LOC400499: variants seen among roughly 807,000 people sequenced by gnomAD.
At chr16:11,485,341 C>T in the LOC400499 span, among the ~76,000 whole-genome samples, 2 of 152,098 alleles carry the variant, frequency 1.3e-5, no homozygotes, top group African/African-American at 4.8e-5. Flanking sequence ...GGAAGCCCTC[C>T]CTGAACTCCC....
At chr16:11,379,200 A>G in the LOC400499 span, among the ~76,000 whole-genome samples, 1 of 152,338 alleles carries the variant, frequency 6.6e-6, no homozygotes, top group South Asian at 2.1e-4. Context: ...GTGAGCCGTT[A>G]TCATGCCACT....
chr16:11,469,142 C>A, the LOC400499 span: 1 of 399,434 alleles, frequency 2.5e-6, no homozygotes, highest in South Asian at 1.3e-4. Context: ...GTGTCAGGTG[C>A]AGACACAGGT....
At chr16:11,460,906 A>C in the LOC400499 span, 8 of 1,467,784 alleles carry the variant, frequency 5.5e-6, no homozygotes, top group Middle Eastern at 2.1e-4. Context: ...CAGCCCTAGG[A>C]AACAGGGCAG....
At chr16:11,408,453 T>TTTA in the LOC400499 span, among the ~76,000 whole-genome samples, 1 of 63,268 alleles carries the variant, frequency 1.6e-5, no homozygotes, top group African/African-American at 5.1e-5. Flanking sequence ...AGTGCAGGAT[T>TTTA]TTTTTTTTTT....
the LOC400499 span, among the ~76,000 whole-genome samples, chr16:11,490,040 C>T: frequency 7.9e-5 from 12 of 152,236 alleles, no homozygotes; most frequent in East Asian, 1.7e-3. Flanking sequence ...CACACAGCCA[C>T]AGATCAGAGT....
chr16:11,410,253 C>A, the LOC400499 span, among the ~76,000 whole-genome samples: 12 of 152,224 alleles, frequency 7.9e-5, no homozygotes, highest in South Asian at 2.1e-3. Context: ...CAGGAGTTTG[C>A]GACCAGCCTG....
the LOC400499 span, chr16:11,523,518 G>A: frequency 2.5e-6 from 1 of 398,484 alleles, no homozygotes; most frequent in Non-Finnish European, 4.4e-6. Flanking sequence ...CCAGAAAGAG[G>A]CATAAGATAG....
chr16:11,421,408 T>G, the LOC400499 span, among the ~76,000 whole-genome samples: 1 of 151,276 alleles, frequency 6.6e-6, no homozygotes, highest in African/African-American at 2.4e-5. Context: ...TTTTTTGTGT[T>G]GTTTTTTTTT....
the LOC400499 span, chr16:11,459,746 C>A: frequency 2.4e-5 from 17 of 715,302 alleles, no homozygotes; most frequent in African/African-American, 2.4e-4. Flanking sequence ...GGTCATGGGG[C>A]TGGAGATGCA....
chr16:11,381,228 T>C, the LOC400499 span: 1 of 152,116 alleles, frequency 6.6e-6, no homozygotes, highest in Non-Finnish European at 1.5e-5. Flanking sequence ...TTTCATGCAT[T>C]TATTTCCCAT....
the LOC400499 span, among the ~76,000 whole-genome samples, chr16:11,376,721 G>A: frequency 2.6e-5 from 4 of 152,110 alleles, no homozygotes; most frequent in Admixed American, 6.5e-5. Context: ...TTCTATAAGT[G>A]AAGAAAAAAT....
chr16:11,393,162 C>CG, the LOC400499 span, among the ~76,000 whole-genome samples: 7 of 132,112 alleles, frequency 5.3e-5, no homozygotes, highest in African/African-American at 1.4e-4. Context: ...CCACCCCCCC[C>CG]CCTTTTTTTT....
chr16:11,496,553 G>A, the LOC400499 span, among the ~76,000 whole-genome samples: 4 of 152,268 alleles, frequency 2.6e-5, no homozygotes, highest in South Asian at 2.1e-4. Context: ...GTGTCTCAGC[G>A]CACTCGAGTA....
At chr16:11,443,987 A>G in the LOC400499 span, among the ~76,000 whole-genome samples, 4 of 152,188 alleles carry the variant, frequency 2.6e-5, no homozygotes, top group African/African-American at 7.2e-5. Flanking sequence ...GGCACCTGCC[A>G]CTATGCCCAG....
chr16:11,415,450 G>A, the LOC400499 span, among the ~76,000 whole-genome samples: 1 of 152,340 alleles, frequency 6.6e-6, no homozygotes, highest in African/African-American at 2.4e-5. Context: ...TATGAGGTGG[G>A]CACAGCCCGC....
the LOC400499 span, chr16:11,494,437 G>C: frequency 2.5e-6 from 1 of 396,218 alleles, no homozygotes; most frequent in Non-Finnish European, 4.4e-6. Context: ...GGTTGAAGTG[G>C]GGAAGGGGGA....
the LOC400499 span, chr16:11,387,191 G>C: frequency 8.1e-7 from 1 of 1,232,294 alleles, no homozygotes; most frequent in Middle Eastern, 3.1e-4. Context: ...CTCTCGGAGC[G>C]GCCGCAGCAG....
At chr16:11,434,033 G>A in the LOC400499 span, among the ~76,000 whole-genome samples, 76 of 152,308 alleles carry the variant, frequency 5.0e-4, no homozygotes, top group Non-Finnish European at 9.7e-4. Context: ...CAGGAGGCAG[G>A]GGAAGGCTCA....
At chr16:11,443,926 C>G in the LOC400499 span, among the ~76,000 whole-genome samples, 1 of 152,044 alleles carries the variant, frequency 6.6e-6, no homozygotes, top group Non-Finnish European at 1.5e-5. Flanking sequence ...CGTCTGCCTC[C>G]CAGTTTCAAG....
Sources: gnomAD v4.1 joint callset for allele counts (sites outside exome capture counted in the v4.1 genomes callset) on GRCh38, gnomAD v4.1.1 for gene constraint, MANE v1.5 for transcripts.